The following ADGRB3 variants were observed in gnomAD, a reference collection of about 807,000 sequenced individuals.
ADGRB3 encodes adhesion G protein-coupled receptor B3, also known as brain-specific angiogenesis inhibitor 3.
ADGRB3 carries 37 observed loss-of-function variants against 193.4 expected under a neutral mutation model. The observed-to-expected ratio is 0.19, with a 90% CI of 0.15 to 0.25. The LOEUF is 0.25. ADGRB3 is among the 10% of genes least tolerant of loss of function. ADGRB3 has a pLI of 1.00. For synonymous variants in ADGRB3, 690 were observed against 644.2 expected, an observed-to-expected ratio of 1.07 and a Z score of -1.08; for missense variants, 1,637 against 1,852.9, an observed-to-expected ratio of 0.88 and a Z score of 2.14.
chr6:68,951,376 C>T (rs558603997), intron 6 of ADGRB3, among the ~76,000 whole-genome samples: 1 of 152,206 alleles, frequency 6.6e-6, no homozygotes, highest in Non-Finnish European at 1.5e-5. Flanking sequence ...CTGAGCACTC[C>T]CTATCACATC....
At chr6:69,106,880 C>T (rs903117413) in intron 17 of ADGRB3, among the ~76,000 whole-genome samples, 5 of 152,142 alleles carry the variant, frequency 3.3e-5, no homozygotes, top group Admixed American at 6.5e-5. Flanking sequence ...GGCAGCATCA[C>T]GGTGTAATTC....
chr6:69,086,793 A>G (rs1011240835), intron 17 of ADGRB3, among the ~76,000 whole-genome samples: 4 of 152,124 alleles, frequency 2.6e-5, no homozygotes, highest in African/African-American at 9.7e-5. Flanking sequence ...ATAGAGTCCA[A>G]TGTGGTATTA....
chr6:68,822,882 A>T (rs771963489), intron 3 of ADGRB3, among the ~76,000 whole-genome samples: 9 of 152,040 alleles, frequency 5.9e-5, no homozygotes, highest in Non-Finnish European at 1.3e-4. Context: ...TCTTTGGAAG[A>T]ATATTTTCCT....
chr6:68,755,412 G>T (rs1024377463), intron 3 of ADGRB3, among the ~76,000 whole-genome samples: 2 of 152,226 alleles, frequency 1.3e-5, no homozygotes, highest in East Asian at 3.9e-4. Context: ...TAGAGAGAAG[G>T]ATAAGAGCTA....
rs766791431 is a variant in ADGRB3, at chr6:68,639,425, C to T, written c.750C>T (p.Pro250=). 6 of 1,603,724 alleles carry T rather than the reference C, an allele frequency of 3.7e-6. No homozygotes were observed. The highest frequency in any genetic ancestry group is 5.1e-6 in the Non-Finnish European group (6 of 1,175,144). The stretch of plus-strand genomic sequence containing the variant: ...TTACCAGGGAGGCCAAGCGACCACC[C>T]AAAGAAGGTAAGTGCCAAAGAGAGG... The part of the protein sequence containing the change: ...CNLTREAKRP[P]KEEFGMMGDH... Residue 250 remains proline, a synonymous_variant, in exon 3 of 32, where the codon CCC becomes CCT. Coordinates refer to ENST00000370598, the MANE Select transcript of ADGRB3 (RefSeq NM_001704.3).
chr6:69,356,646 C>G (rs926376727), intron 28 of ADGRB3, among the ~76,000 whole-genome samples: 6 of 152,012 alleles, frequency 3.9e-5, no homozygotes, highest in African/African-American at 1.4e-4. Context: ...TAAGGCCAGT[C>G]AATTTAACCT....
At chr6:68,835,965 A>G (rs750460824) in intron 3 of ADGRB3, among the ~76,000 whole-genome samples, 2 of 151,782 alleles carry the variant, frequency 1.3e-5, no homozygotes, top group South Asian at 4.2e-4. Context: ...CAAGACCTCC[A>G]CTCTACAAGG....
At chr6:68,685,993 C>T (rs563143866) in intron 3 of ADGRB3, among the ~76,000 whole-genome samples, 9 of 152,228 alleles carry the variant, frequency 5.9e-5, no homozygotes, top group African/African-American at 1.9e-4. Context: ...TGAGTGTTCT[C>T]GGGACTTAAC....
At position 68,882,069 on chromosome 6, in the gene ADGRB3, G is replaced by T. The variant is rs573020640; in HGVS notation, c.758-48490G>T. 2.3e-4 allele frequency among the ~76,000 whole-genome samples: 35 copies of T among 152,112 alleles called. No individual in the cohort carries two copies. In the East Asian group the frequency reaches 4.6e-3, roughly 20 times the overall value. On this transcript the variant is annotated intron_variant, in intron 3 of 31. Coordinates refer to ENST00000370598, the MANE Select transcript of ADGRB3 (RefSeq NM_001704.3). ...ACTAGAGCCGTTAGCAAGCTTTTAT[G>T]TTCTCTTAAAGGTTATTTGACTTTG... is the stretch of plus-strand genomic sequence containing the variant.
Position 68,752,260 on chromosome 6 carries a change from T to C in ADGRB3, c.757+112828T>C, listed in dbSNP as rs1003968877. Among the ~76,000 whole-genome samples, 6 of 151,606 alleles carry C rather than the reference T, an allele frequency of 4.0e-5. No homozygotes were observed. The East Asian group carries it at 7.8e-4, about 20-fold the overall frequency. ...GCCCAATAATGGTGATGGATTTCAG[T>C]TGTGGCAGAATATTCTTTTTTTTTT... is the stretch of plus-strand genomic sequence containing the variant. On this transcript the variant is annotated intron_variant, in intron 3 of 31. Coordinates refer to ENST00000370598, the MANE Select transcript of ADGRB3 (RefSeq NM_001704.3).
intron 3 of ADGRB3, among the ~76,000 whole-genome samples, chr6:68,858,514 A>AAAC (rs1308866947): frequency 6.5e-4 from 92 of 141,846 alleles, no homozygotes; most frequent in Non-Finnish European, 1.2e-3. Flanking sequence ...AAAAAAAAAA[A>AAAC]CACCTGAGGT....
chr6:69,117,403 T>C (rs1209880174), intron 17 of ADGRB3, among the ~76,000 whole-genome samples: 3 of 152,346 alleles, frequency 2.0e-5, no homozygotes. Flanking sequence ...AACACAGATT[T>C]CTGAGATTTT....
chr6:68,849,129 C>T (rs1582252345), intron 3 of ADGRB3, among the ~76,000 whole-genome samples: 2 of 151,974 alleles, frequency 1.3e-5, no homozygotes, highest in East Asian at 1.9e-4. Context: ...TTGCCTTAAT[C>T]GCTAGGTGAG....
At chr6:69,050,008 A>G (rs1191880595) in intron 15 of ADGRB3, among the ~76,000 whole-genome samples, 2 of 152,206 alleles carry the variant, frequency 1.3e-5, no homozygotes, top group Non-Finnish European at 2.9e-5. Flanking sequence ...TTGTGATGTT[A>G]TCACTCATAG....
chr6:68,731,940 G>A (rs1765783887), intron 3 of ADGRB3, among the ~76,000 whole-genome samples: 1 of 151,502 alleles, frequency 6.6e-6, no homozygotes, highest in Admixed American at 6.6e-5. Context: ...TATGTCTTAA[G>A]GTTTGAGGTT....
chr6:68,975,201 A>G (rs760426825), intron 9 of ADGRB3, 33 bp from the exon 10 acceptor site: 2 of 1,569,590 alleles, frequency 1.3e-6, no homozygotes, highest in Non-Finnish European at 1.8e-6. Context: ...CATCCCTATT[A>G]TAAAGCTTCT....
chr6:68,651,896 C>A (rs1297159353), intron 3 of ADGRB3, among the ~76,000 whole-genome samples: 1 of 152,084 alleles, frequency 6.6e-6, no homozygotes, highest in Non-Finnish European at 1.5e-5. Context: ...TTTTAAACTT[C>A]CTTCCATTGA....
At chr6:68,781,155 C>G (rs1436555640) in intron 3 of ADGRB3, among the ~76,000 whole-genome samples, 1 of 152,114 alleles carries the variant, frequency 6.6e-6, no homozygotes, top group Non-Finnish European at 1.5e-5. Context: ...GGTTGGCTGT[C>G]TTCCAAGTAG....
At chr6:69,080,337 T>A (rs534579999) in intron 17 of ADGRB3, among the ~76,000 whole-genome samples, 3 of 151,990 alleles carry the variant, frequency 2.0e-5, no homozygotes, top group Admixed American at 6.6e-5. Context: ...ATACAAAGTG[T>A]TACTATTATT....
Sources: allele counts gnomAD v4.1 joint callset (sites outside exome capture counted in the v4.1 genomes callset), GRCh38; gene constraint gnomAD v4.1.1; transcripts MANE v1.5; gene names NCBI Gene and HGNC (gene_info 2026-07-23, HGNC 2026-07-21).